Variants in USP45 observed in about 807,000 individuals in gnomAD.
USP45 encodes the protein ubiquitin specific peptidase 45.
In USP45, 89 loss-of-function variants were observed where a neutral mutation model predicts 95.8. The observed-to-expected ratio is 0.93, with a 90% CI of 0.78 to 1.11. USP45 has a LOEUF of 1.11. Among genes scored for constraint, USP45 ranks in the 50% least tolerant of loss-of-function variants. The pLI is 0.00. For synonymous variants in USP45, 281 were observed against 316.2 expected (o/e 0.89, Z 1.18); for missense variants, 898 against 942.5 (o/e 0.95, Z 0.62).
At chr6:99,491,506 C>A (rs542578684) in intron 5 of USP45, among the ~76,000 whole-genome samples, 1 of 152,184 alleles carries the variant, frequency 6.6e-6, no homozygotes, top group East Asian at 1.9e-4. Flanking sequence ...AAATTAAATC[C>A]AAGCATTACT....
At chr6:99,513,779 T>C (rs1800468353) in intron 1 of USP45, among the ~76,000 whole-genome samples, 1 of 152,226 alleles carries the variant, frequency 6.6e-6, no homozygotes, top group Non-Finnish European at 1.5e-5. Context: ...TAACCCAGAA[T>C]TCGGCAATTA....
intron 13 of USP45, among the ~76,000 whole-genome samples, chr6:99,457,644 ATAAC>A (rs1308625820): frequency 3.9e-5 from 6 of 152,160 alleles, no homozygotes; most frequent in Non-Finnish European, 5.9e-5. Context: ...CCAAGATCAT[ATAAC>A]TAATAAAAAT....
At chr6:99,458,450 G>A (rs905843528) in intron 13 of USP45, among the ~76,000 whole-genome samples, 4 of 152,214 alleles carry the variant, frequency 2.6e-5, no homozygotes, top group African/African-American at 9.6e-5. Context: ...GTTCCTGTTT[G>A]CAGATCCTGC....
At chr6:99,505,944 C>T (rs937295589) in intron 4 of USP45, among the ~76,000 whole-genome samples, 2 of 152,206 alleles carry the variant, frequency 1.3e-5, no homozygotes, top group African/African-American at 2.4e-5. Context: ...CACACTATGG[C>T]ACCATTGCTG....
chr6:99,491,065 TC>T (rs1322595671), intron 5 of USP45, among the ~76,000 whole-genome samples: 37 of 152,280 alleles, frequency 2.4e-4, no homozygotes, highest in Admixed American at 2.3e-3. Context: ...TATTTTTAAC[TC>T]CCAACTCCAG....
At chr6:99,495,746 T>C (rs1448699343) in intron 5 of USP45, among the ~76,000 whole-genome samples, 1 of 152,226 alleles carries the variant, frequency 6.6e-6, no homozygotes, top group East Asian at 1.9e-4. Flanking sequence ...ATGTAATCCA[T>C]TGCTGCACAT....
In USP45 at chr6:99,437,356, A is replaced by G. The variant is rs1451338215; in HGVS notation, c.2204T>C (p.Ile735Thr). ...GDKVLYGLYG[I>T]VEHSGSMREG... ...TCTCATCGAGCCACTATGTTCCACT[A>G]TGCCATAGAGACCGTAGAGAACTTT... The change falls in exon 17 of 18, where the codon ATA (isoleucine) becomes ACA (threonine). Residue 735 changes from isoleucine to threonine, a missense_variant. By Grantham distance (89) the Ile-to-Thr change is moderately conservative. Transcript: ENST00000500704. 6.2e-7 allele frequency: 1 copy of G among 1,612,936 alleles called. No individual in the cohort carries two copies. The highest frequency in any genetic ancestry group is 1.3e-5 in the African/African-American group (1 of 74,866).
chr6:99,502,139 C>G, intron 5 of USP45: 3 of 1,018,938 alleles, frequency 2.9e-6, no homozygotes, highest in Non-Finnish European at 3.7e-6. Flanking sequence ...CACCAAAACT[C>G]CAGTGAGCTT....
chr6:99,482,640 T>C (rs184815504), intron 8 of USP45, 113 bp downstream of exon 8: 3 of 1,053,344 alleles, frequency 2.8e-6, no homozygotes, highest in East Asian at 5.3e-5. Flanking sequence ...GTTCTCTTCA[T>C]AGTCAGGGCA....
At chr6:99,452,392 A>G (rs957429960) in intron 13 of USP45, among the ~76,000 whole-genome samples, 2 of 152,262 alleles carry the variant, frequency 1.3e-5, no homozygotes, top group African/African-American at 4.8e-5. Flanking sequence ...TCTCAAAAGA[A>G]GACATTTATG....
chr6:99,445,108 A>G (rs182534431), intron 14 of USP45, among the ~76,000 whole-genome samples: 1 of 152,328 alleles, frequency 6.6e-6, no homozygotes, highest in East Asian at 1.9e-4. Context: ...TTCAAAATTT[A>G]TCTTACGTTG....
chr6:99,469,656 A>T (rs767693532), intron 9 of USP45, among the ~76,000 whole-genome samples: 1 of 150,934 alleles, frequency 6.6e-6, no homozygotes, highest in African/African-American at 2.4e-5. Context: ...ATTTTTAAAA[A>T]TTTTTTTGTA....
At chr6:99,465,921 G>A (rs1787843943) in intron 11 of USP45, among the ~76,000 whole-genome samples, 1 of 151,996 alleles carries the variant, frequency 6.6e-6, no homozygotes, top group African/African-American at 2.4e-5. Context: ...AGTGAGTGAA[G>A]TCTACACAAA....
At chr6:99,493,987 GTATGA>G (rs1296278482) in intron 5 of USP45, among the ~76,000 whole-genome samples, 22 of 152,256 alleles carry the variant, frequency 1.4e-4, no homozygotes, top group Middle Eastern at 6.8e-3. Flanking sequence ...ATGTTTTTAA[GTATGA>G]TATAAGTAAG....
At chr6:99,480,935 A>G (rs535342735) in intron 8 of USP45, among the ~76,000 whole-genome samples, 3 of 152,196 alleles carry the variant, frequency 2.0e-5, no homozygotes, top group Non-Finnish European at 4.4e-5. Flanking sequence ...CAAACAAAAA[A>G]AAGGCAATTT....
chr6:99,505,972 G>C (rs1798442729), intron 4 of USP45, among the ~76,000 whole-genome samples: 1 of 152,160 alleles, frequency 6.6e-6, no homozygotes, highest in African/African-American at 2.4e-5. Flanking sequence ...TGGTTCCAAT[G>C]CATCATTTAT....
At chr6:99,501,511 A>G (rs1797346694) in intron 5 of USP45, among the ~76,000 whole-genome samples, 1 of 152,200 alleles carries the variant, frequency 6.6e-6, no homozygotes, top group African/African-American at 2.4e-5. Context: ...CTATATTATT[A>G]GCCAGCACGG....
At chr6:99,509,480 T>TTATA (rs1353332863) in intron 2 of USP45, among the ~76,000 whole-genome samples, 1 of 152,008 alleles carries the variant, frequency 6.6e-6, no homozygotes, top group Admixed American at 6.6e-5. Context: ...AAAATATCCC[T>TTATA]TTAAATGGAG....
chr6:99,487,633 CAAAA>C (rs11335830), intron 7 of USP45, among the ~76,000 whole-genome samples: 46,286 of 106,846 alleles, frequency 0.43, 7,833 homozygotes, highest in Middle Eastern at 0.52. Flanking sequence ...ACTAAAAATA[CAAAA>C]AAAAAAAAAA....
Sources: gnomAD v4.1 joint callset for allele counts (sites outside exome capture counted in the v4.1 genomes callset) on GRCh38, gnomAD v4.1.1 for gene constraint, MANE v1.5 for transcripts, NCBI Gene and HGNC (gene_info 2026-07-23, HGNC 2026-07-21) for gene names.